Variants in IL1RAPL2 observed in about 807,000 individuals in gnomAD.
IL1RAPL2 encodes interleukin 1 receptor accessory protein like 2, also known as X-linked interleukin-1 receptor accessory protein-like 2.
In IL1RAPL2, 3 loss-of-function variants were observed where a neutral mutation model predicts 44.1. The ratio of observed to expected loss-of-function variants is 0.07; its 90% CI spans 0.03 to 0.18. The LOEUF is 0.18. Ranked by LOEUF, IL1RAPL2 falls within the 10% of genes least tolerant of loss-of-function variation. The pLI is 1.00. For missense variants in IL1RAPL2, 391 were observed against 496.4 expected, an observed-to-expected ratio of 0.79 and a Z score of 2.02; for synonymous variants, 181 against 178.8, an observed-to-expected ratio of 1.01 and a Z score of -0.10.
chrX:105,418,638 A>G (rs2035751594), intron 5 of IL1RAPL2, among the ~76,000 whole-genome samples: 1 of 112,105 alleles, frequency 8.9e-6, no homozygotes, highest in Admixed American at 9.5e-5. Context: ...TCACAGAATT[A>G]GAAGGCAGTA....
chrX:105,199,368 CTTATA>C (rs1556144066), intron 3 of IL1RAPL2, among the ~76,000 whole-genome samples: 1 of 98,191 alleles, frequency 1.0e-5, no homozygotes, highest in South Asian at 4.7e-4. Context: ...CCAGGTTTAT[CTTATA>C]TATTTTGTGC....
At chrX:104,631,588 AG>A (rs1929651159) in intron 1 of IL1RAPL2, among the ~76,000 whole-genome samples, 1 of 112,142 alleles carries the variant, frequency 8.9e-6, no homozygotes, top group South Asian at 3.7e-4. Context: ...TCTGATGGCC[AG>A]TGATGATGAG....
At chrX:105,198,901 G>A (rs1321085572) in intron 3 of IL1RAPL2, among the ~76,000 whole-genome samples, 1 of 111,443 alleles carries the variant, frequency 9.0e-6, no homozygotes, top group Non-Finnish European at 1.9e-5. Context: ...TTGTATCAAG[G>A]GTATAAAGTA....
At chrX:105,332,717 C>T (rs1266206686) in intron 5 of IL1RAPL2, among the ~76,000 whole-genome samples, 1 of 111,789 alleles carries the variant, frequency 8.9e-6, no homozygotes, top group African/African-American at 3.2e-5. Context: ...TTTCTAATGT[C>T]AACAGTTTAC....
intron 2 of IL1RAPL2, among the ~76,000 whole-genome samples, chrX:105,082,357 C>T (rs891214884): frequency 9.0e-6 from 1 of 111,306 alleles, no homozygotes; most frequent in African/African-American, 3.3e-5. Flanking sequence ...CTAGTTGATT[C>T]TTTTCTATTT....
At chrX:105,484,688 A>T (rs1385339931) in intron 6 of IL1RAPL2, among the ~76,000 whole-genome samples, 1 of 111,659 alleles carries the variant, frequency 9.0e-6, no homozygotes, top group Non-Finnish European at 1.9e-5. Flanking sequence ...GGTACAGAAA[A>T]CTTTTCATAC....
Position 105,307,610 on chromosome X carries a change from A to AAT in IL1RAPL2, c.697+40076_697+40077dup, listed in dbSNP as rs771415126. ...ATTTTCTATTATATATATTATATATAATATATATTTTCTATTATATATATT... is the reference window on the plus strand; with the variant it reads ...ATTTTCTATTATATATATTATATATAATATATATATTTTCTATTATATATATT... On this transcript the variant is annotated intron_variant, in intron 5 of 10. Coordinates refer to ENST00000372582, the MANE Select transcript of IL1RAPL2 (RefSeq NM_017416.2). Among the ~76,000 whole-genome samples, 9 of 49,850 alleles carry AAT rather than the reference A, an allele frequency of 1.8e-4. 1 individual carries two copies. Among genetic ancestry groups the AAT allele is most frequent in the South Asian group, 2.2e-3 (2 of 912 alleles). 43.3% of individuals were successfully genotyped at this position (49,850 alleles called of 115,157 possible).
chrX:105,449,726 A>G (rs1448909678), intron 5 of IL1RAPL2, among the ~76,000 whole-genome samples: 1 of 110,260 alleles, frequency 9.1e-6, no homozygotes, highest in African/African-American at 3.4e-5. Flanking sequence ...CAGCTTGGTG[A>G]CAGAGTGAGA....
At chrX:105,126,472 A>G (rs2032976123) in intron 2 of IL1RAPL2, among the ~76,000 whole-genome samples, 1 of 111,061 alleles carries the variant, frequency 9.0e-6, no homozygotes, top group Non-Finnish European at 1.9e-5. Context: ...CATAATTGAC[A>G]CTGGCTATTC....
At position 104,934,222 on chromosome X, in the gene IL1RAPL2, C is replaced by CT. The variant is rs200387572; in HGVS notation, c.83-261240dup. 1.2e-3 allele frequency among the ~76,000 whole-genome samples: 119 copies of CT among 102,693 alleles called. 1 individual carries two copies. Among genetic ancestry groups the CT allele is most frequent in the East Asian group, 9.7e-3 (32 of 3,311 alleles). 89.2% of individuals were successfully genotyped at this position (102,693 alleles called of 115,157 possible). A position where few individuals can be genotyped will look rare whatever the true frequency, so the allele number is the denominator to read the frequency against. On this transcript the variant is annotated intron_variant, in intron 2 of 10. Coordinates refer to ENST00000372582, the MANE Select transcript of IL1RAPL2 (RefSeq NM_017416.2). ...AACAAATTTGTAAATACACTCACAA[C>CT]TTTTTTTTTTTTTGCATTCCGTTTC...
intron 2 of IL1RAPL2, among the ~76,000 whole-genome samples, chrX:105,047,408 T>C (rs770163699): frequency 2.5e-4 from 28 of 111,831 alleles, no homozygotes; most frequent in East Asian, 2.3e-3. Context: ...ACGGAAAATA[T>C]TTCTGTTTGG....
intron 5 of IL1RAPL2, among the ~76,000 whole-genome samples, chrX:105,408,954 A>AT (rs1410592983): frequency 4.5e-5 from 5 of 110,669 alleles, no homozygotes; most frequent in African/African-American, 1.3e-4. Flanking sequence ...TGGGAAAACT[A>AT]TTTTTTTGTC....
At chrX:105,628,395 G>A (rs2037469140) in intron 6 of IL1RAPL2, among the ~76,000 whole-genome samples, 1 of 110,656 alleles carries the variant, frequency 9.0e-6, no homozygotes, top group Non-Finnish European at 1.9e-5. Flanking sequence ...ATAGACAGGG[G>A]CCTTTGTATC....
intron 6 of IL1RAPL2, among the ~76,000 whole-genome samples, chrX:105,709,834 T>C (rs1180852299): frequency 1.8e-5 from 2 of 111,281 alleles, no homozygotes; most frequent in Non-Finnish European, 3.8e-5. Context: ...GTAGTAACAA[T>C]GGGGGTTTTA....
chrX:105,630,609 G>A (rs1414961232), intron 6 of IL1RAPL2, among the ~76,000 whole-genome samples: 1 of 108,241 alleles, frequency 9.2e-6, no homozygotes, highest in Non-Finnish European at 1.9e-5. Context: ...GATTCGATCT[G>A]TGCCCTTAAA....
intron 2 of IL1RAPL2, among the ~76,000 whole-genome samples, chrX:104,666,535 G>A (rs187438667): frequency 1.1e-4 from 12 of 111,873 alleles, no homozygotes; most frequent in African/African-American, 3.9e-4. Flanking sequence ...TTTTGATATT[G>A]GGATTTATCC....
At chrX:104,798,500 TA>T (rs397895099) in intron 2 of IL1RAPL2, among the ~76,000 whole-genome samples, 41,175 of 92,101 alleles carry the variant, frequency 0.45, 6,888 homozygotes, top group Non-Finnish European at 0.47. Context: ...CTACTAAAAA[TA>T]AAAAAAAAAA....
At chrX:104,910,723 C>G (rs983522586) in intron 2 of IL1RAPL2, among the ~76,000 whole-genome samples, 1 of 111,967 alleles carries the variant, frequency 8.9e-6, no homozygotes, top group Admixed American at 9.5e-5. Context: ...TTTTGTAGCT[C>G]TCTTCACTCC....
intron 6 of IL1RAPL2, among the ~76,000 whole-genome samples, chrX:105,493,680 C>A (rs1161383559): frequency 9.0e-6 from 1 of 111,099 alleles, no homozygotes; most frequent in Non-Finnish European, 1.9e-5. Context: ...AGTTGTCACT[C>A]TTAAACCTTG....
Sources: gnomAD v4.1 joint callset for allele counts (sites outside exome capture counted in the v4.1 genomes callset) on GRCh38, gnomAD v4.1.1 for gene constraint, MANE v1.5 for transcripts, NCBI Gene and HGNC (gene_info 2026-07-23, HGNC 2026-07-21) for gene names.